Variants in TP73 observed in about 807,000 individuals in gnomAD.
The protein encoded by TP73 is tumor protein p73, also known as p53-like transcription factor.
A neutral mutation model predicts 62.5 loss-of-function variants in TP73; 25 were observed. The observed-to-expected ratio is 0.40, with a 90% confidence interval of 0.29 to 0.56. TP73 has a LOEUF of 0.56. Ranked by LOEUF, TP73 falls within the 20% of genes least tolerant of loss-of-function variation. The pLI is 0.46. For synonymous variants in TP73, 423 were observed against 377.5 expected (o/e 1.12, Z -1.40); for missense variants, 754 against 913.3 (o/e 0.83, Z 2.25).
chr1:3,680,828 G>A (rs1034710288), intron 1 of TP73, among the ~76,000 whole-genome samples: 74 of 152,370 alleles, frequency 4.9e-4, no homozygotes, highest in African/African-American at 1.5e-3. Context: ...GCCCAGGATC[G>A]GAGGCCTGCA....
At chr1:3,705,826 A>G (rs1639578814) in intron 3 of TP73, among the ~76,000 whole-genome samples, 1 of 152,182 alleles carries the variant, frequency 6.6e-6, no homozygotes, top group African/African-American at 2.4e-5. Flanking sequence ...TGGATGCTGG[A>G]GGGGCCGGGG....
At chr1:3,726,732 G>A (rs1237735661) in intron 6 of TP73, among the ~76,000 whole-genome samples, 6 of 150,196 alleles carry the variant, frequency 4.0e-5, no homozygotes, top group Non-Finnish European at 8.9e-5. Flanking sequence ...GTTCGTGGAT[G>A]GATGGGGTTG....
rs542069300 is a variant in TP73, at chr1:3,731,124, C to T, written c.1484+59C>T. ...GTCACCCTGTCTGTTCACCTCTGTCCTTCTGGCCATGTCAGCTGCCCTGCC... is the reference window on the plus strand; with the variant it reads ...GTCACCCTGTCTGTTCACCTCTGTCTTTCTGGCCATGTCAGCTGCCCTGCC... On this transcript the variant is annotated intron_variant, in intron 12 of 13. Transcript: ENST00000378295. 79 of 1,576,322 alleles carry T rather than the reference C, an allele frequency of 5.0e-5. No homozygotes were observed. In the South Asian group the frequency reaches 8.8e-4, roughly 18 times the overall value.
chr1:3,655,721 C>T (rs1644850936), intron 1 of TP73, among the ~76,000 whole-genome samples: 1 of 152,176 alleles, frequency 6.6e-6, no homozygotes, highest in African/African-American at 2.4e-5. Flanking sequence ...GCCCAGATTC[C>T]TTTAACAAAT....
In TP73 at chr1:3,733,514, T is replaced by C. The variant is rs1276561884; in HGVS notation, c.*435T>C. 4.8e-6 allele frequency: 1 copy of C among 208,592 alleles called. No homozygotes were observed. Among genetic ancestry groups the C allele is most frequent in the Non-Finnish European group, 9.8e-6 (1 of 101,550 alleles). The allele number at this position is 208,592 out of a possible 1,614,324, so 12.9% of individuals were successfully genotyped here. A position where few individuals can be genotyped will look rare whatever the true frequency, so the allele number is the denominator to read the frequency against. On this transcript the variant is annotated 3_prime_UTR_variant, in exon 14 of 14. Transcript: ENST00000378295. ...GACTGCCAAAAAGTATTTTGCGACATCTTTTGGTTCTGGATAGTAGTGAGC... is the reference window on the plus strand; with the variant it reads ...GACTGCCAAAAAGTATTTTGCGACACCTTTTGGTTCTGGATAGTAGTGAGC...
intron 4 of TP73, among the ~76,000 whole-genome samples, chr1:3,718,990 G>C (rs1640846958): frequency 6.6e-6 from 1 of 152,154 alleles, no homozygotes; most frequent in Non-Finnish European, 1.5e-5. Flanking sequence ...GATGCAGGTG[G>C]AGAGGCTTGT....
chr1:3,708,890 C>T (rs887127593), intron 4 of TP73, among the ~76,000 whole-genome samples: 9 of 152,218 alleles, frequency 5.9e-5, no homozygotes, highest in Non-Finnish European at 1.3e-4. Context: ...CCCGCCTCCC[C>T]GGGCACAGCT....
chr1:3,728,137 C>A lies in TP73; in HGVS notation c.994C>A (p.Gln332Lys). 2 of 1,610,530 alleles carry A rather than the reference C, an allele frequency of 1.2e-6. No individual in the cohort carries two copies. The highest frequency in any genetic ancestry group is 1.7e-6 in the Non-Finnish European group (2 of 1,179,772). The change falls in exon 9 of 14, where the codon CAG becomes AAG. Residue 332 changes from glutamine to lysine, a missense_variant. Around this residue, in one of 3 missense-constraint regions of TP73, gnomAD observed 458 missense variants for 528.7 expected, o/e 0.87. Transcript: ENST00000378295. ...CCTGCCTGGCCTTCCAGCCTTCAAGCAGAGCCCCCCTGCCGTCCCCGCCCT... is the reference window on the plus strand; with the variant it reads ...CCTGCCTGGCCTTCCAGCCTTCAAGAAGAGCCCCCCTGCCGTCCCCGCCCT... ...NGAASKRAFK[Q>K]SPPAVPALGA...
chr1:3,718,548 GGCAGGGGCCTAGGGGAGGGGCT>G (rs147565379), intron 4 of TP73, among the ~76,000 whole-genome samples: 8,150 of 152,308 alleles, frequency 0.054, 335 homozygotes, highest in East Asian at 0.18. Flanking sequence ...GGGGTGCTGG[GGCAGGGGCCTAGGGGAGGGGCT>G]GCAGGGGCCA....
chr1:3,693,777 C>T (rs1243430988), intron 3 of TP73, among the ~76,000 whole-genome samples: 1 of 136,332 alleles, frequency 7.3e-6, no homozygotes, highest in African/African-American at 3.0e-5. Flanking sequence ...CCCATGCAGC[C>T]TCAGCCCCTC....
At chr1:3,727,280 G>A in intron 7 of TP73, 56 bp downstream of exon 7, 1 of 1,499,678 alleles carries the variant, frequency 6.7e-7, no homozygotes, top group Non-Finnish European at 9.2e-7. Flanking sequence ...GCACGGCCGG[G>A]GGAGAAGGGG....
At chr1:3,721,955 G>A (rs1641105267) in intron 4 of TP73, 66 bp from the exon 5 acceptor site, 3 of 1,501,090 alleles carry the variant, frequency 2.0e-6, no homozygotes, top group Non-Finnish European at 2.7e-6. Context: ...CTCCCAATGG[G>A]GGGTGGCCTG....
rs532563292 is a variant in TP73, at chr1:3,660,607, G to A, written c.-34+7966G>A. Among the ~76,000 whole-genome samples, 4 of 152,336 alleles carry A rather than the reference G, an allele frequency of 2.6e-5. No homozygotes were observed. The South Asian group carries it at 8.3e-4, about 32-fold the overall frequency. On this transcript the variant is annotated intron_variant, in intron 1 of 13. Transcript: ENST00000378295. ...TCATTTCAATTTTGCTTATAAAAGT[G>A]TAATGTACCAGAATGCTGTAAGTTA...
chr1:3,684,666 G>A (rs932775718), intron 3 of TP73, among the ~76,000 whole-genome samples: 2 of 152,110 alleles, frequency 1.3e-5, no homozygotes, highest in African/African-American at 4.8e-5. Flanking sequence ...GCCAGAGAAG[G>A]CACCTCCTTG....
In TP73 at chr1:3,682,397, G is replaced by C. The variant is rs192866394; in HGVS notation, c.32G>C (p.Gly11Ala). 4 of 1,564,996 alleles carry C rather than the reference G, an allele frequency of 2.6e-6. No homozygotes were observed. The highest frequency in any genetic ancestry group is 4.7e-5 in the East Asian group (2 of 42,678). MAQSTATSPD[G>A]GTTFEHLWSS... ...CAGTCCACCGCCACCTCCCCTGATG[G>C]GGGCACCACGTTTGAGCACCTCTGG... Residue 11 changes from glycine (G) to alanine (A), a missense_variant, in exon 2 of 14, where the codon GGG becomes GCG. This residue lies in a region of TP73 where 235 missense variants were observed against 251.4 expected (regional missense o/e 0.93). Coordinates refer to ENST00000378295, the MANE Select transcript of TP73 (RefSeq NM_005427.4).
chr1:3,729,955 A>T (rs767860783), intron 10 of TP73, 45 bp from the exon 11 acceptor site: 2 of 1,543,462 alleles, frequency 1.3e-6, no homozygotes, highest in Admixed American at 1.8e-5. Flanking sequence ...GGTGGGCACG[A>T]GGCTGCCTTG....
At chr1:3,658,201 G>A (rs1227342662) in intron 1 of TP73, among the ~76,000 whole-genome samples, 2 of 152,252 alleles carry the variant, frequency 1.3e-5, no homozygotes, top group African/African-American at 4.8e-5. Flanking sequence ...ATTAGGGATG[G>A]ACAGTGGCCG....
Position 3,729,440 on chromosome 1 carries a change from A to C in TP73, c.1188A>C (p.Leu396=), listed in dbSNP as rs766592635. ...VDSYRQQQQL[L]QRPSHLQPPS... ...CCTATCGGCAGCAGCAGCAGCTCCT[A>C]CAGAGGCCGTGAGTCAGCCCTAGCC... Residue 396 remains leucine (L), a synonymous_variant, in exon 10 of 14, where the codon CTA becomes CTC. Coordinates refer to ENST00000378295, the MANE Select transcript of TP73 (RefSeq NM_005427.4). The C allele has an allele frequency of 6.2e-7, 1 of 1,612,762 alleles. No homozygotes were observed. Among genetic ancestry groups the C allele is most frequent in the Admixed American group, 1.7e-5 (1 of 60,012 alleles).
intron 1 of TP73, among the ~76,000 whole-genome samples, chr1:3,669,960 G>C (rs1645203476): frequency 6.6e-6 from 1 of 152,220 alleles, no homozygotes; most frequent in African/African-American, 2.4e-5. Context: ...AGAGGTGAGA[G>C]GGTGGGTAGG....
Sources: gnomAD v4.1 joint callset for allele counts (sites outside exome capture counted in the v4.1 genomes callset) on GRCh38, gnomAD v4.1.1 for gene constraint, gnomAD v4.1.1 regional missense constraint, MANE v1.5 for transcripts, NCBI Gene and HGNC (gene_info 2026-07-23, HGNC 2026-07-21) for gene names.